SLC35F1: variants seen among roughly 807,000 people sequenced by gnomAD.
SLC35F1 encodes the protein solute carrier family 35 member F1, also known as chromosome 6 open reading frame 169.
Under a neutral mutation model 48.7 loss-of-function variants are expected in SLC35F1, and 14 were observed. The ratio of observed to expected loss-of-function variants is 0.29; its 90% CI spans 0.19 to 0.45. SLC35F1 has a LOEUF of 0.45. Ranked by LOEUF, SLC35F1 falls within the 20% of genes least tolerant of loss-of-function variation. SLC35F1 has a pLI of 1.00. For synonymous variants in SLC35F1, 190 were observed against 202.2 expected (o/e 0.94, Z 0.51); for missense variants, 404 against 500.0 (o/e 0.81, Z 1.83).
At chr6:118,190,753 C>T (rs1295823763) in intron 2 of SLC35F1, among the ~76,000 whole-genome samples, 1 of 152,120 alleles carries the variant, frequency 6.6e-6, no homozygotes, top group Non-Finnish European at 1.5e-5. Flanking sequence ...ATGCTCCTTA[C>T]CCAGAGCTCC....
chr6:117,946,521 T>A (rs1776297325), intron 1 of SLC35F1, among the ~76,000 whole-genome samples: 1 of 152,228 alleles, frequency 6.6e-6, no homozygotes, highest in Non-Finnish European at 1.5e-5. Flanking sequence ...AGTTCACTAT[T>A]ACTTTCCAAT....
intron 2 of SLC35F1, among the ~76,000 whole-genome samples, chr6:118,158,710 GA>G (rs1489521848): frequency 1.3e-5 from 2 of 152,144 alleles, no homozygotes; most frequent in African/African-American, 4.8e-5. Context: ...AATTTCACTG[GA>G]GTCACGATCA....
chr6:118,303,571 A>G (rs944560483), intron 7 of SLC35F1, among the ~76,000 whole-genome samples: 1 of 152,172 alleles, frequency 6.6e-6, no homozygotes, highest in African/African-American at 2.4e-5. Context: ...CAAGATGCTT[A>G]TCATGGTACT....
intron 2 of SLC35F1, among the ~76,000 whole-genome samples, chr6:118,210,607 A>G (rs955220305): frequency 1.3e-5 from 2 of 152,114 alleles, no homozygotes; most frequent in Non-Finnish European, 2.9e-5. Flanking sequence ...TTCTCAGACA[A>G]GGCTTTTCTC....
chr6:117,989,775 G>A (rs1337167918), intron 1 of SLC35F1, among the ~76,000 whole-genome samples: 1 of 152,104 alleles, frequency 6.6e-6, no homozygotes, highest in Non-Finnish European at 1.5e-5. Flanking sequence ...GCAATGACTG[G>A]TGAAAGAATG....
At chr6:118,030,263 T>G (rs1772026316) in intron 1 of SLC35F1, among the ~76,000 whole-genome samples, 1 of 152,136 alleles carries the variant, frequency 6.6e-6, no homozygotes, top group Non-Finnish European at 1.5e-5. Context: ...CTGAGTTTGT[T>G]TCTGGCAGCA....
At chr6:117,950,388 A>G (rs943762662) in intron 1 of SLC35F1, among the ~76,000 whole-genome samples, 3 of 152,160 alleles carry the variant, frequency 2.0e-5, no homozygotes, top group Non-Finnish European at 4.4e-5. Context: ...GACTCCAGAG[A>G]CACAGTTCTC....
At chr6:117,972,538 T>A (rs1421195351) in intron 1 of SLC35F1, among the ~76,000 whole-genome samples, 1 of 152,218 alleles carries the variant, frequency 6.6e-6, no homozygotes, top group East Asian at 1.9e-4. Context: ...AGAGATTTAA[T>A]GGACTCACAG....
intron 4 of SLC35F1, among the ~76,000 whole-genome samples, chr6:118,269,891 T>G (rs1582762139): frequency 6.6e-6 from 1 of 152,172 alleles, no homozygotes; most frequent in Middle Eastern, 3.4e-3. Context: ...TTAGCCAGCA[T>G]GGTGGTGTGC....
chr6:117,961,880 T>C (rs893487213), intron 1 of SLC35F1, among the ~76,000 whole-genome samples: 1 of 152,190 alleles, frequency 6.6e-6, no homozygotes, highest in African/African-American at 2.4e-5. Flanking sequence ...ATACCTAGTC[T>C]TACAGTTTAT....
intron 1 of SLC35F1, among the ~76,000 whole-genome samples, chr6:117,916,348 A>C (rs1775825858): frequency 1.3e-5 from 2 of 152,320 alleles, no homozygotes; most frequent in South Asian, 2.1e-4. Flanking sequence ...TTGTTAAAAA[A>C]CGGGTATTTT....
chr6:118,103,089 C>T (rs1045191866), intron 1 of SLC35F1, among the ~76,000 whole-genome samples: 2 of 152,028 alleles, frequency 1.3e-5, no homozygotes, highest in African/African-American at 4.8e-5. Flanking sequence ...ACAGCAGGTG[C>T]CCCCTCCCAA....
chr6:117,946,570 C>T (rs543313123), intron 1 of SLC35F1, among the ~76,000 whole-genome samples: 1 of 152,178 alleles, frequency 6.6e-6, no homozygotes, highest in Non-Finnish European at 1.5e-5. Context: ...TCTAATATAT[C>T]TCTCTTTGAG....
chr6:118,286,861 A>T (rs916725826), intron 7 of SLC35F1, among the ~76,000 whole-genome samples: 58 of 151,810 alleles, frequency 3.8e-4, no homozygotes, highest in East Asian at 1.9e-4. Flanking sequence ...AATTTCAAGT[A>T]CAGGTTACCA....
At chr6:118,277,593 T>A in intron 6 of SLC35F1, 47 bp downstream of exon 6, 3 of 1,558,932 alleles carry the variant, frequency 1.9e-6, no homozygotes, top group Non-Finnish European at 2.7e-6. Context: ...ACCTGAGAAA[T>A]GTGTTTGAAG....
At chr6:118,138,891 G>A (rs1293729155) in intron 1 of SLC35F1, among the ~76,000 whole-genome samples, 5 of 151,872 alleles carry the variant, frequency 3.3e-5, no homozygotes, top group Admixed American at 2.0e-4. Context: ...CGCGTGCACC[G>A]GTGAGATAGG....
At chr6:118,077,839 GT>G (rs1338884517) in intron 1 of SLC35F1, among the ~76,000 whole-genome samples, 46 of 152,310 alleles carry the variant, frequency 3.0e-4, no homozygotes, top group African/African-American at 1.1e-3. Context: ...AGAAATCACA[GT>G]CTAAAGACCT....
intron 4 of SLC35F1, among the ~76,000 whole-genome samples, chr6:118,268,598 A>ATTT (rs1775807669): frequency 1.3e-5 from 1 of 77,782 alleles, no homozygotes; most frequent in Non-Finnish European, 2.6e-5. Flanking sequence ...ATATATATAT[A>ATTT]TATTTTTTTT....
rs578160978 is a variant in SLC35F1, at chr6:118,251,795, AT to A, written c.478-15193del. Among the ~76,000 whole-genome samples the A allele has an allele frequency of 1.7e-3, 256 of 152,176 alleles. 1 individual carries two copies. The highest frequency in any genetic ancestry group is 5.9e-3 in the African/African-American group (244 of 41,518). ...TGTGTATTTGTTCAGGGCTCAGCAA[AT>A]TTTTTTGAGCATATATTATATACAC... On this transcript the variant is annotated intron_variant, in intron 3 of 7. Coordinates refer to ENST00000360388, the MANE Select transcript of SLC35F1 (RefSeq NM_001029858.4).
Sources: allele counts gnomAD v4.1 joint callset (sites outside exome capture counted in the v4.1 genomes callset), GRCh38; gene constraint gnomAD v4.1.1; transcripts MANE v1.5; gene names NCBI Gene and HGNC (gene_info 2026-07-23, HGNC 2026-07-21).